DLGAP2: variants seen among roughly 807,000 people sequenced by gnomAD.
DLGAP2 encodes the protein DLG associated protein 2.
A neutral mutation model predicts 100.3 loss-of-function variants in DLGAP2; 26 were observed. The ratio of observed to expected loss-of-function variants is 0.26; its 90% CI spans 0.19 to 0.36. DLGAP2 has a LOEUF of 0.36. DLGAP2 is among the 10% of genes least tolerant of loss of function. DLGAP2 has a pLI of 1.00. For synonymous variants in DLGAP2, 886 were observed against 630.1 expected (o/e 1.41, Z -6.08); for missense variants, 1,858 against 1,453.2 (o/e 1.28, Z -4.53).
Position 1,549,675 on chromosome 8 carries a change from T to C in DLGAP2, c.1222T>C (p.Tyr408His). The C allele has an allele frequency of 6.5e-7, 1 of 1,546,546 alleles. No individual in the cohort carries two copies. The highest frequency in any genetic ancestry group is 8.7e-7 in the Non-Finnish European group (1 of 1,144,232). The change falls in exon 5 of 15, where the codon TAC (tyrosine) becomes CAC (histidine). Residue 408 changes from tyrosine (Y) to histidine (H), a missense_variant. Tyr to His is a moderately conservative substitution (Grantham distance 83). Transcript: ENST00000637795. ...CAAGCCCGCCCTGAGGCCGTGCCAC[T>C]ACCTCCAGGTAAGCAGGCTCACGGC... ...DAKPALRPCH[Y>H]LQVPQDEWGG...
At chr8:1,518,330 G>C (rs1800467874) in intron 4 of DLGAP2, among the ~76,000 whole-genome samples, 1 of 152,060 alleles carries the variant, frequency 6.6e-6, no homozygotes, top group Non-Finnish European at 1.5e-5. Flanking sequence ...TATGGGTTTT[G>C]TTGTTTGTTT....
At chr8:1,515,863 C>G (rs1025483811) in intron 4 of DLGAP2, among the ~76,000 whole-genome samples, 12 of 152,250 alleles carry the variant, frequency 7.9e-5, no homozygotes, top group African/African-American at 2.4e-4. Flanking sequence ...AATTCCTTTC[C>G]CTTTTCCTCC....
At chr8:1,291,230 A>G (rs1046111725) in intron 3 of DLGAP2, among the ~76,000 whole-genome samples, 1 of 152,198 alleles carries the variant, frequency 6.6e-6, no homozygotes, top group Non-Finnish European at 1.5e-5. Flanking sequence ...GATTCACAGA[A>G]TGGATGGAAA....
At chr8:1,418,494 C>G (rs1049815570) in intron 3 of DLGAP2, among the ~76,000 whole-genome samples, 6 of 152,142 alleles carry the variant, frequency 3.9e-5, no homozygotes, top group Non-Finnish European at 7.3e-5. Context: ...CTTTTAACCC[C>G]AAACCCACGA....
At chr8:1,518,982 C>T (rs1375252198) in intron 4 of DLGAP2, among the ~76,000 whole-genome samples, 1 of 152,158 alleles carries the variant, frequency 6.6e-6, no homozygotes, top group Non-Finnish European at 1.5e-5. Flanking sequence ...CCAGGCCCTC[C>T]CGACCGTGTG....
At chr8:1,607,592 AG>A (rs568636573) in intron 6 of DLGAP2, among the ~76,000 whole-genome samples, 343 of 152,382 alleles carry the variant, frequency 2.3e-3, no homozygotes, top group African/African-American at 8.0e-3. Context: ...TGAGCGACGC[AG>A]AAGACGGGTG....
At chr8:918,521 G>A (rs530532505) in intron 2 of DLGAP2, among the ~76,000 whole-genome samples, 2 of 152,306 alleles carry the variant, frequency 1.3e-5, no homozygotes, top group African/African-American at 4.8e-5. Context: ...GTGCCACGCT[G>A]TGTCTGTGCC....
chr8:1,355,869 G>C (rs1187268944), intron 3 of DLGAP2, among the ~76,000 whole-genome samples: 1 of 152,108 alleles, frequency 6.6e-6, no homozygotes, highest in Non-Finnish European at 1.5e-5. Context: ...TCCTACCCTA[G>C]GGTCCCTGTC....
At chr8:1,573,003 G>A (rs1432116394) in intron 6 of DLGAP2, among the ~76,000 whole-genome samples, 1 of 100,968 alleles carries the variant, frequency 9.9e-6, no homozygotes, top group African/African-American at 4.0e-5. Flanking sequence ...GGCGTCTTCT[G>A]GGATGGAGAG....
At chr8:1,049,849 G>C (rs1021137989) in intron 2 of DLGAP2, among the ~76,000 whole-genome samples, 2 of 150,522 alleles carry the variant, frequency 1.3e-5, no homozygotes, top group African/African-American at 2.4e-5. Context: ...CACATGTGTG[G>C]ATATGTGCAC....
At chr8:898,020 A>C (rs998609590) in intron 1 of DLGAP2, among the ~76,000 whole-genome samples, 2 of 150,302 alleles carry the variant, frequency 1.3e-5, no homozygotes, top group African/African-American at 4.9e-5. Context: ...AGCTCCCGCC[A>C]CGTGTGACCC....
intron 1 of DLGAP2, among the ~76,000 whole-genome samples, chr8:768,992 G>A (rs1244105084): frequency 6.6e-6 from 1 of 152,046 alleles, no homozygotes; most frequent in Non-Finnish European, 1.5e-5. Flanking sequence ...ATCCCTCATG[G>A]CTGCAGCTTC....
intron 10 of DLGAP2, among the ~76,000 whole-genome samples, chr8:1,670,033 G>A (rs1044342508): frequency 2.6e-5 from 4 of 152,168 alleles, no homozygotes; most frequent in East Asian, 1.9e-4. Context: ...GCCATCGCCC[G>A]TCTCCGTCTC....
intron 3 of DLGAP2, among the ~76,000 whole-genome samples, chr8:1,466,257 T>C (rs1378590371): frequency 6.6e-6 from 1 of 152,030 alleles, no homozygotes; most frequent in East Asian, 1.9e-4. Flanking sequence ...TTTTTTATCA[T>C]TTGGACTTGA....
chr8:1,650,585 A>C (rs920444707), intron 8 of DLGAP2, among the ~76,000 whole-genome samples: 1 of 152,272 alleles, frequency 6.6e-6, no homozygotes, highest in Non-Finnish European at 1.5e-5. Flanking sequence ...CTCTTCGGCT[A>C]TTCCAGAAAA....
At chr8:1,438,917 C>A (rs777562171) in intron 3 of DLGAP2, among the ~76,000 whole-genome samples, 2 of 152,078 alleles carry the variant, frequency 1.3e-5, no homozygotes, top group Admixed American at 1.3e-4. Context: ...TAGAAAAAAG[C>A]ACGTTCACAA....
chr8:1,368,938 G>A lies in DLGAP2; in HGVS notation c.106+110055G>A, dbSNP rs116813136. 7.3e-3 allele frequency: 1,115 copies of A among 152,218 alleles called. 12 individuals carry two copies. Among genetic ancestry groups the A allele is most frequent in the African/African-American group, 0.025 (1,045 of 41,510 alleles). The allele number at this position is 152,218 out of a possible 1,614,324, so 9.4% of individuals were successfully genotyped here. A position where few individuals can be genotyped will look rare whatever the true frequency, so the allele number is the denominator to read the frequency against. On this transcript the variant is annotated intron_variant, in intron 3 of 14. Transcript: ENST00000637795. ...ATACAGCATCCACAACTGATCGTCC[G>A]TTCCTGTGCCAAACGCAGGTCCTCC... is the stretch of plus-strand genomic sequence containing the variant.
intron 4 of DLGAP2, among the ~76,000 whole-genome samples, chr8:1,524,685 C>T (rs926526130): frequency 6.6e-6 from 1 of 152,112 alleles, no homozygotes; most frequent in Non-Finnish European, 1.5e-5. Context: ...ACATAAAAAA[C>T]CTTCTCATTG....
intron 3 of DLGAP2, among the ~76,000 whole-genome samples, chr8:1,498,809 A>G (rs533269639): frequency 1.3e-5 from 2 of 152,372 alleles, no homozygotes; most frequent in Admixed American, 6.5e-5. Flanking sequence ...GCTGCCCTGT[A>G]CAAAATGTAG....
Sources: gnomAD v4.1 joint callset for allele counts (sites outside exome capture counted in the v4.1 genomes callset) on GRCh38, gnomAD v4.1.1 for gene constraint, MANE v1.5 for transcripts, NCBI Gene and HGNC (gene_info 2026-07-23, HGNC 2026-07-21) for gene names.